Variants in NCKAP5 observed in about 807,000 individuals in gnomAD.
NCKAP5 encodes NCK associated protein 5, also known as nck-associated protein 5.
A neutral mutation model predicts 167.0 loss-of-function variants in NCKAP5; 92 were observed. The observed-to-expected ratio is 0.55, with a 90% CI of 0.47 to 0.66. NCKAP5 has a LOEUF of 0.66. Among genes scored for constraint, NCKAP5 ranks in the 30% least tolerant of loss-of-function variants. The pLI is 0.00. For synonymous variants in NCKAP5, 891 were observed against 877.4 expected, an observed-to-expected ratio of 1.02 and a Z score of -0.27; for missense variants, 2,378 against 2,315.0, an observed-to-expected ratio of 1.03 and a Z score of -0.56.
intron 19 of NCKAP5, among the ~76,000 whole-genome samples, chr2:132,689,693 CCTT>C (rs1686469898): frequency 6.6e-6 from 1 of 152,122 alleles, no homozygotes; most frequent in African/African-American, 2.4e-5. Context: ...GCCTCAGAAT[CCTT>C]CTTAACACCA....
intron 5 of NCKAP5, among the ~76,000 whole-genome samples, chr2:133,183,619 C>T (rs747203991): frequency 2.0e-5 from 3 of 152,066 alleles, no homozygotes; most frequent in Non-Finnish European, 4.4e-5. Flanking sequence ...ACCTCACAAA[C>T]TACAGATAAA....
At chr2:133,003,266 A>C (rs1167294396) in intron 6 of NCKAP5, among the ~76,000 whole-genome samples, 1 of 152,172 alleles carries the variant, frequency 6.6e-6, no homozygotes, top group Non-Finnish European at 1.5e-5. Context: ...TTTGCTTTTA[A>C]GTTTCTATTT....
intron 4 of NCKAP5, chr2:133,266,134 G>A (rs1574543361): frequency 1.3e-5 from 2 of 152,430 alleles, no homozygotes; most frequent in Non-Finnish European, 1.5e-5. Flanking sequence ...CGCGCCTGTA[G>A]AGCGGGGCTC....
intron 9 of NCKAP5, among the ~76,000 whole-genome samples, chr2:132,872,350 T>G (rs1043861430): frequency 8.5e-5 from 13 of 152,198 alleles, no homozygotes; most frequent in Non-Finnish European, 1.6e-4. Context: ...ACATGGCTGA[T>G]CTTCTACTCA....
chr2:133,554,317 T>G (rs893322817), intron 2 of NCKAP5: 1 of 152,216 alleles, frequency 6.6e-6, no homozygotes, highest in Admixed American at 6.5e-5. Flanking sequence ...TATTCTCAGG[T>G]TCTGTCCTCA....
At chr2:133,651,813 A>G in the NCKAP5 span, among the ~76,000 whole-genome samples, 1 of 152,258 alleles carries the variant, frequency 6.6e-6, no homozygotes, top group African/African-American at 2.4e-5. Flanking sequence ...ATGGAATATC[A>G]TTCAGCCTGA....
chr2:132,953,454 G>C (rs1406825165), intron 8 of NCKAP5, among the ~76,000 whole-genome samples: 2 of 151,868 alleles, frequency 1.3e-5, no homozygotes, highest in Non-Finnish European at 2.9e-5. Flanking sequence ...ATTTTAATGT[G>C]CTTTATTTTT....
intron 16 of NCKAP5, among the ~76,000 whole-genome samples, chr2:132,764,956 G>A (rs1681326078): frequency 6.6e-6 from 1 of 152,136 alleles, no homozygotes; most frequent in South Asian, 2.1e-4. Flanking sequence ...TTCTTGAAAT[G>A]AGACAGATAA....
the NCKAP5 span, among the ~76,000 whole-genome samples, chr2:133,658,977 C>T: frequency 6.6e-6 from 1 of 151,918 alleles, no homozygotes; most frequent in East Asian, 1.9e-4. Context: ...ACTGACAGCT[C>T]CTCAGGAAGG....
At chr2:133,317,650 G>C (rs765309585) in intron 3 of NCKAP5, among the ~76,000 whole-genome samples, 22 of 152,122 alleles carry the variant, frequency 1.4e-4, no homozygotes, top group Non-Finnish European at 2.6e-4. Context: ...TGCATCCTTC[G>C]CCAGCTGTAG....
Position 133,130,112 on chromosome 2 carries a change from C to G in NCKAP5, c.208-1G>C, listed in dbSNP as rs2082548973. 1 of 1,605,114 alleles carries G rather than the reference C, an allele frequency of 6.2e-7. No individual in the cohort carries two copies. The highest frequency in any genetic ancestry group is 1.1e-5 in the South Asian group (1 of 89,002). On this transcript the variant is annotated splice_acceptor_variant, in intron 5 of 19. Transcript: ENST00000409261. LOFTEE classifies it high-confidence loss of function. ...CCAGTTCATGTATCAGCTTCTCATG[C>G]TATAAAAGACACAAAGGGGATGACT...
chr2:133,426,440 C>CA (rs77474242), intron 3 of NCKAP5, among the ~76,000 whole-genome samples: 1,979 of 72,938 alleles, frequency 0.027, 27 homozygotes, highest in Non-Finnish European at 0.033. Flanking sequence ...TAAAGTCTTC[C>CA]AAAAAAAAAA....
chr2:132,815,413 T>A (rs538759819), intron 11 of NCKAP5, among the ~76,000 whole-genome samples: 1 of 152,222 alleles, frequency 6.6e-6, no homozygotes, highest in African/African-American at 2.4e-5. Flanking sequence ...TGAACACTTG[T>A]TAGTATTCAG....
intron 6 of NCKAP5, among the ~76,000 whole-genome samples, chr2:133,012,152 G>C (rs1323908976): frequency 1.3e-5 from 2 of 152,012 alleles, no homozygotes; most frequent in Non-Finnish European, 2.9e-5. Flanking sequence ...TTATAAAAAG[G>C]AATTTATATG....
intron 7 of NCKAP5, among the ~76,000 whole-genome samples, chr2:132,976,479 G>T (rs1465174109): frequency 6.6e-6 from 1 of 150,526 alleles, no homozygotes; most frequent in Non-Finnish European, 1.5e-5. Context: ...CAGGAGAATT[G>T]CTTGAACCTG....
At chr2:133,396,565 T>C (rs1435265855) in intron 3 of NCKAP5, among the ~76,000 whole-genome samples, 2 of 152,180 alleles carry the variant, frequency 1.3e-5, no homozygotes, top group Non-Finnish European at 2.9e-5. Context: ...CCTTGGCTTG[T>C]AGAAGTATCA....
At chr2:133,615,424 A>C in the NCKAP5 span, among the ~76,000 whole-genome samples, 1 of 152,170 alleles carries the variant, frequency 6.6e-6, no homozygotes, top group Admixed American at 6.5e-5. Flanking sequence ...GCAGAGACAC[A>C]CATAGGCTCA....
chr2:133,129,546 C>T (rs1398966221), intron 6 of NCKAP5, among the ~76,000 whole-genome samples: 1 of 152,164 alleles, frequency 6.6e-6, no homozygotes, highest in Non-Finnish European at 1.5e-5. Flanking sequence ...AATAGTGCCT[C>T]AATAAACATA....
At chr2:132,844,322 C>T (rs1165197790) in intron 11 of NCKAP5, among the ~76,000 whole-genome samples, 4 of 152,034 alleles carry the variant, frequency 2.6e-5, no homozygotes, top group Non-Finnish European at 5.9e-5. Context: ...TAAATTCTTA[C>T]TGTAAAGAAT....
Sources: allele counts gnomAD v4.1 joint callset (sites outside exome capture counted in the v4.1 genomes callset), GRCh38; gene constraint gnomAD v4.1.1; transcripts MANE v1.5; gene names NCBI Gene and HGNC (gene_info 2026-07-23, HGNC 2026-07-21).